Variants in FGFR1OP2 observed in about 807,000 individuals in gnomAD.
FGFR1OP2 encodes FGFR1 oncogene partner 2.
FGFR1OP2 carries 17 observed loss-of-function variants against 35.2 expected under a neutral mutation model. The ratio of observed to expected loss-of-function variants is 0.48; its 90% confidence interval spans 0.33 to 0.73. FGFR1OP2 has a LOEUF of 0.73. Ranked by LOEUF, FGFR1OP2 falls within the 30% of genes least tolerant of loss-of-function variation. FGFR1OP2 has a pLI of 0.02. For synonymous variants in FGFR1OP2, 105 were observed against 104.6 expected, an observed-to-expected ratio of 1.00 and a Z score of -0.03; for missense variants, 251 against 307.3, an observed-to-expected ratio of 0.82 and a Z score of 1.37.
At chr12:26,944,074 T>G (rs570203043) in intron 1 of FGFR1OP2, among the ~76,000 whole-genome samples, 2 of 152,312 alleles carry the variant, frequency 1.3e-5, no homozygotes, top group African/African-American at 2.4e-5. Context: ...AAAAAAGTTT[T>G]GGTTTCCATT....
Position 26,941,090 on chromosome 12 carries a change from GA to G in FGFR1OP2, c.-15+2389del, listed in dbSNP as rs1300141883. Among the ~76,000 whole-genome samples the G allele has an allele frequency of 4.8e-4, 53 of 111,000 alleles. No individual in the cohort carries two copies. In the East Asian group the frequency reaches 7.0e-3, roughly 15 times the overall value. The allele number at this position is 111,000 out of a possible 152,430, so 72.8% of individuals were successfully genotyped here. On this transcript the variant is annotated intron_variant, in intron 1 of 6. Coordinates refer to ENST00000229395, the MANE Select transcript of FGFR1OP2 (RefSeq NM_015633.3). ...GCGAGAATGTGACTAATGCAGAAAA[GA>G]AAAAAAAATTTTTTAACTTGCTAAA...
At chr12:26,941,412 C>T (rs956430015) in intron 1 of FGFR1OP2, among the ~76,000 whole-genome samples, 3 of 152,234 alleles carry the variant, frequency 2.0e-5, no homozygotes, top group Non-Finnish European at 1.5e-5. Flanking sequence ...TGTGGTTTCA[C>T]GTACAGGAAA....
intron 1 of FGFR1OP2, among the ~76,000 whole-genome samples, chr12:26,946,110 T>C (rs1938817818): frequency 6.6e-6 from 1 of 152,218 alleles, no homozygotes; most frequent in Non-Finnish European, 1.5e-5. Flanking sequence ...GAAAGGAATG[T>C]TTAATTTTTC....
chr12:26,963,249 A>T (rs1317539233), intron 5 of FGFR1OP2, 93 bp from the exon 6 acceptor site: 4 of 660,924 alleles, frequency 6.1e-6, no homozygotes, highest in Non-Finnish European at 1.0e-5. Context: ...AAGAATATTC[A>T]TGTTAAGTGG....
intron 1 of FGFR1OP2, among the ~76,000 whole-genome samples, chr12:26,948,676 G>T (rs1293046658): frequency 6.6e-6 from 1 of 152,178 alleles, no homozygotes; most frequent in Non-Finnish European, 1.5e-5. Flanking sequence ...ATGAAGACAA[G>T]GTTTCTTAGA....
chr12:26,944,300 G>C (rs1938787343), intron 1 of FGFR1OP2, among the ~76,000 whole-genome samples: 1 of 151,506 alleles, frequency 6.6e-6, no homozygotes, highest in Admixed American at 6.6e-5. Context: ...CCAATGTATT[G>C]AACAGGACTG....
intron 1 of FGFR1OP2, among the ~76,000 whole-genome samples, chr12:26,948,232 C>T (rs777614273): frequency 6.6e-6 from 1 of 152,096 alleles, no homozygotes; most frequent in Non-Finnish European, 1.5e-5. Context: ...AATAATTACC[C>T]AGATATTTAC....
chr12:26,953,996 CCACAG>C, intron 1 of FGFR1OP2, 144 bp from the exon 2 acceptor site: 1 of 468,962 alleles, frequency 2.1e-6, no homozygotes, highest in Non-Finnish European at 3.7e-6. Context: ...AGAAGCAAAA[CCACAG>C]TGTTCTTAGG....
intron 1 of FGFR1OP2, among the ~76,000 whole-genome samples, chr12:26,939,813 A>G (rs1245065817): frequency 6.6e-6 from 1 of 152,232 alleles, no homozygotes; most frequent in Non-Finnish European, 1.5e-5. Context: ...AGCATTATTT[A>G]TATATACATA....
intron 3 of FGFR1OP2, 99 bp downstream of exon 3, chr12:26,956,759 T>A (rs1939028435): frequency 5.7e-6 from 3 of 523,882 alleles, no homozygotes; most frequent in Non-Finnish European, 9.8e-6. Context: ...AACATCTGCC[T>A]GGTTGACATC....
Position 26,952,815 on chromosome 12 carries a change from T to C in FGFR1OP2, c.-14-1330T>C, listed in dbSNP as rs58830215. ...TTTTAATAAAGTTGATGAAAGTCTTTGTTTATAACCCTTCACTTGGATCTA... is the reference window on the plus strand; with the variant it reads ...TTTTAATAAAGTTGATGAAAGTCTTCGTTTATAACCCTTCACTTGGATCTA... On this transcript the variant is annotated intron_variant, in intron 1 of 6. Transcript: ENST00000229395. Among the ~76,000 whole-genome samples, 576 of 133,748 alleles carry C rather than the reference T, an allele frequency of 4.3e-3. 1 individual carries two copies. Among genetic ancestry groups the C allele is most frequent in the African/African-American group, 0.015 (550 of 35,768 alleles). The allele number at this position is 133,748 out of a possible 152,430, so 87.7% of individuals were successfully genotyped here.
At chr12:26,964,274 A>G (rs1939141923) in intron 6 of FGFR1OP2, among the ~76,000 whole-genome samples, 1 of 152,196 alleles carries the variant, frequency 6.6e-6, no homozygotes, top group Non-Finnish European at 1.5e-5. Flanking sequence ...ACGAGTTTAT[A>G]TAAAAATAAA....
Position 26,957,742 on chromosome 12 carries a change from A to C in FGFR1OP2, c.395A>C (p.Lys132Thr). 1 of 1,610,922 alleles carries C rather than the reference A, an allele frequency of 6.2e-7. No individual in the cohort carries two copies. The highest frequency in any genetic ancestry group is 8.5e-7 in the Non-Finnish European group (1 of 1,178,820). The change falls in exon 4 of 7, where the codon AAG (lysine) becomes ACG (threonine). Residue 132 changes from lysine to threonine, a missense_variant and splice_region_variant. Coordinates refer to ENST00000229395, the MANE Select transcript of FGFR1OP2 (RefSeq NM_015633.3). ...IIMKLKEQHS[K>T]IDMVHRNKSE... is the part of the protein sequence containing the mutation. ...ATGAAGTTAAAAGAGCAGCACTCCA[A>C]GGTAATCCATTCTATAAATGTGACC...
At chr12:26,952,309 T>C (rs1030480754) in intron 1 of FGFR1OP2, among the ~76,000 whole-genome samples, 7 of 152,158 alleles carry the variant, frequency 4.6e-5, no homozygotes, top group Non-Finnish European at 8.8e-5. Flanking sequence ...TGGGCACTAA[T>C]GCCTCTCTCA....
chr12:26,965,485 AGAC>A lies in FGFR1OP2; in HGVS notation c.*755_*757del, dbSNP rs1297887442. 1.0e-4 allele frequency: 16 copies of A among 152,558 alleles called. No individual in the cohort carries two copies. The highest frequency in any genetic ancestry group is 3.9e-4 in the African/African-American group (16 of 41,448). The allele number at this position is 152,558 out of a possible 1,614,324, so 9.5% of individuals were successfully genotyped here. On this transcript the variant is annotated 3_prime_UTR_variant, in exon 7 of 7. Transcript: ENST00000229395. ...AGTTTTGGTTCAAAGTCAATAATGAAGACGAGATTTGTTTTTCTCTTCTCTGGC... is the reference window on the plus strand; with the variant it reads ...AGTTTTGGTTCAAAGTCAATAATGAAGAGATTTGTTTTTCTCTTCTCTGGC...
rs1282444628 is a variant in FGFR1OP2 at position 26,954,231 on chromosome 12, G to A, written c.73G>A (p.Ala25Thr). Residue 25 changes from alanine to threonine, a missense_variant, in exon 2 of 7, where the codon GCA becomes ACA. By Grantham distance (58) the Ala-to-Thr change is moderately conservative. Coordinates refer to ENST00000229395, the MANE Select transcript of FGFR1OP2 (RefSeq NM_015633.3). ...LVERLRDHDD[A>T]AESLIEQTTA... The stretch of plus-strand genomic sequence containing the variant: ...TGAAAGATTAAGAGATCATGACGAT[G>A]CAGCAGAATCTCTGATTGAGCAAAC... 1.2e-5 allele frequency: 19 copies of A among 1,612,562 alleles called. No individual in the cohort carries two copies. Among genetic ancestry groups the A allele is most frequent in the Non-Finnish European group, 1.6e-5 (19 of 1,179,152 alleles).
At chr12:26,957,801 T>A (rs1282079216) in intron 4 of FGFR1OP2, 58 bp downstream of exon 4, 2 of 1,443,318 alleles carry the variant, frequency 1.4e-6, no homozygotes, top group East Asian at 5.0e-5. Context: ...GATTATTCTG[T>A]GTTCAGATTT....
chr12:26,945,889 G>A (rs67784352), intron 1 of FGFR1OP2, among the ~76,000 whole-genome samples: 40,064 of 149,844 alleles, frequency 0.27, 5,664 homozygotes, highest in East Asian at 0.48. Flanking sequence ...AGCATAATTT[G>A]TATGATTACA....
chr12:26,952,822 A>T (rs145461356), intron 1 of FGFR1OP2, among the ~76,000 whole-genome samples: 1,688 of 135,012 alleles, frequency 0.013, 39 homozygotes, highest in African/African-American at 0.044. Flanking sequence ...CTTTGTTTAT[A>T]ACCCTTCACT....
Sources: gnomAD v4.1 joint callset for allele counts (sites outside exome capture counted in the v4.1 genomes callset) on GRCh38, gnomAD v4.1.1 for gene constraint, MANE v1.5 for transcripts, NCBI Gene and HGNC (gene_info 2026-07-23, HGNC 2026-07-21) for gene names.